The following PRDM15 variants were observed in gnomAD, a reference collection of about 807,000 sequenced individuals.
PRDM15 encodes PR domain zinc finger protein 15.
In PRDM15, 64 loss-of-function variants were observed where a neutral mutation model predicts 128.6. The observed-to-expected ratio is 0.50, with a 90% CI of 0.41 to 0.61. PRDM15 has a LOEUF of 0.61. PRDM15 is among the 20% of genes least tolerant of loss of function. The pLI is 0.00. For missense variants in PRDM15, 1,242 were observed against 1,569.1 expected (o/e 0.79, Z 3.52); for synonymous variants, 615 against 621.8 (o/e 0.99, Z 0.16).
intron 5 of PRDM15, among the ~76,000 whole-genome samples, chr21:41,851,246 T>C (rs2063419371): frequency 6.6e-6 from 1 of 152,206 alleles, no homozygotes; most frequent in African/African-American, 2.4e-5. Flanking sequence ...CTCCAGTCCT[T>C]CACGTATCCA....
chr21:41,845,713 C>T (rs796158889), intron 6 of PRDM15, among the ~76,000 whole-genome samples: 92 of 152,250 alleles, frequency 6.0e-4, no homozygotes, highest in African/African-American at 2.2e-3. Flanking sequence ...GTAAGGGGAG[C>T]CCGAGTACCA....
chr21:41,836,337 C>G, intron 9 of PRDM15, 130 bp from the exon 10 acceptor site: 1 of 1,292,994 alleles, frequency 7.7e-7, no homozygotes, highest in South Asian at 1.4e-5. Context: ...GATGATCGCC[C>G]ACAAATGCAG....
intron 13 of PRDM15, among the ~76,000 whole-genome samples, chr21:41,825,018 C>T (rs975116358): frequency 6.6e-6 from 1 of 152,096 alleles, no homozygotes; most frequent in African/African-American, 2.4e-5. Context: ...GGCTGGGGCA[C>T]CCTCCCCTCG....
chr21:41,800,025 A>T lies in PRDM15; in HGVS notation c.*1215T>A, dbSNP rs375938077. 6.6e-6 allele frequency: 1 copy of T among 152,244 alleles called. No individual in the cohort carries two copies. The highest frequency in any genetic ancestry group is 1.9e-4 in the East Asian group (1 of 5,202). 9.4% of individuals were successfully genotyped at this position (152,244 alleles called of 1,614,324 possible). A position where few individuals can be genotyped will look rare whatever the true frequency, so the allele number is the denominator to read the frequency against. On this transcript the variant is annotated 3_prime_UTR_variant, in exon 24 of 24. Transcript: ENST00000398548. ...TCACCGCACATTCAGTTTTAGGGGC[A>T]ATTAATGCTTCTATTAGTGAACTAA...
chr21:41,874,170 A>G (rs2064316876), intron 1 of PRDM15, among the ~76,000 whole-genome samples: 1 of 151,276 alleles, frequency 6.6e-6, no homozygotes, highest in African/African-American at 2.4e-5. Context: ...TAAAAAAAAA[A>G]GGGCGGGAGG....
intron 1 of PRDM15, among the ~76,000 whole-genome samples, chr21:41,875,556 C>G (rs761744662): frequency 1.3e-5 from 2 of 152,250 alleles, no homozygotes; most frequent in Non-Finnish European, 2.9e-5. Context: ...GTAAATATAT[C>G]TATTAGAATC....
intron 23 of PRDM15, among the ~76,000 whole-genome samples, chr21:41,802,462 G>T (rs917743355): frequency 6.6e-6 from 1 of 152,178 alleles, no homozygotes; most frequent in Non-Finnish European, 1.5e-5. Flanking sequence ...CCCGGGCAGG[G>T]ATATCTCTCT....
chr21:41,846,478 C>T (rs1266961744), intron 6 of PRDM15, among the ~76,000 whole-genome samples: 1 of 152,224 alleles, frequency 6.6e-6, no homozygotes, highest in Non-Finnish European at 1.5e-5. Context: ...CCGAGGCAGA[C>T]GGACCGCTTG....
chr21:41,848,163 C>T (rs2063325461), intron 5 of PRDM15, among the ~76,000 whole-genome samples: 1 of 152,208 alleles, frequency 6.6e-6, no homozygotes, highest in Admixed American at 6.5e-5. Flanking sequence ...AGACAAACTC[C>T]TGGGTCTTTA....
At chr21:41,857,102 T>C (rs1324151440) in intron 4 of PRDM15, 74 bp downstream of exon 4, 7 of 1,389,900 alleles carry the variant, frequency 5.0e-6, no homozygotes, top group Non-Finnish European at 7.0e-6. Flanking sequence ...TCAGTGGTCC[T>C]TGCTCCCCAT....
rs1246350136 is a variant in PRDM15 at position 41,825,514 on chromosome 21, CGGCCATGCT to C, written c.1629+437_1629+445del. On this transcript the variant is annotated intron_variant, in intron 13 of 23. Coordinates refer to ENST00000398548, the MANE Select transcript of PRDM15 (RefSeq NM_001040424.3). ...TGCCTGGGAGCACCTGCCATGGGAT[CGGCCATGCT>C]CTAACTTACAGAACGCCAGCCATCC... is the stretch of plus-strand genomic sequence containing the variant. Among the ~76,000 whole-genome samples, 3 of 152,220 alleles carry C rather than the reference CGGCCATGCT, an allele frequency of 2.0e-5. No homozygotes were observed. The East Asian group carries it at 5.8e-4, about 29-fold the overall frequency.
intron 12 of PRDM15, among the ~76,000 whole-genome samples, chr21:41,827,832 G>C (rs550119988): frequency 4.9e-4 from 75 of 152,098 alleles, no homozygotes; most frequent in Non-Finnish European, 8.7e-4. Flanking sequence ...ACAATATCTA[G>C]TATCTTTGAA....
intron 11 of PRDM15, among the ~76,000 whole-genome samples, chr21:41,834,088 C>T (rs1051156529): frequency 1.2e-4 from 19 of 152,148 alleles, no homozygotes; most frequent in African/African-American, 4.1e-4. Flanking sequence ...GCAGGAGGTG[C>T]GGCACACTGG....
intron 7 of PRDM15, 151 bp from the exon 8 acceptor site, chr21:41,838,214 G>T: frequency 1.3e-6 from 1 of 771,126 alleles, no homozygotes; most frequent in Non-Finnish European, 2.0e-6. Flanking sequence ...AAAAAAAACT[G>T]TCAATATTTT....
Position 41,799,470 on chromosome 21 carries a change from T to C in PRDM15, c.*1770A>G, listed in dbSNP as rs1410331861. 2.0e-5 allele frequency: 3 copies of C among 152,216 alleles called. No homozygotes were observed. The highest frequency in any genetic ancestry group is 7.2e-5 in the African/African-American group (3 of 41,456). The allele number at this position is 152,216 out of a possible 1,614,324, so 9.4% of individuals were successfully genotyped here. On this transcript the variant is annotated 3_prime_UTR_variant, in exon 24 of 24. Coordinates refer to ENST00000398548, the MANE Select transcript of PRDM15 (RefSeq NM_001040424.3). ...TTAAAAGTCAAATGATCTCCCACTA[T>C]TCATTCAACTGAGAGGTGAGAGCTA... is the stretch of plus-strand genomic sequence containing the variant.
chr21:41,809,398 A>G (rs941414385), intron 21 of PRDM15, among the ~76,000 whole-genome samples: 2 of 151,862 alleles, frequency 1.3e-5, no homozygotes, highest in African/African-American at 2.4e-5. Flanking sequence ...ATGCCCAGCT[A>G]ATTTTTATAT....
At chr21:41,824,480 G>A (rs1463305955) in intron 13 of PRDM15, among the ~76,000 whole-genome samples, 1 of 152,174 alleles carries the variant, frequency 6.6e-6, no homozygotes, top group African/African-American at 2.4e-5. Context: ...AACCCTCAGT[G>A]TTTATTCAAT....
intron 7 of PRDM15, 65 bp from the exon 8 acceptor site, chr21:41,838,128 T>C (rs2062956698): frequency 1.3e-6 from 2 of 1,570,798 alleles, no homozygotes. Context: ...AGTCAAACCA[T>C]GGTGACACAC....
At chr21:41,820,045 C>A in intron 17 of PRDM15, 50 bp downstream of exon 17, 1 of 1,509,266 alleles carries the variant, frequency 6.6e-7, no homozygotes, top group Non-Finnish European at 9.2e-7. Context: ...TCCCTCCCTG[C>A]CAGCCCCCTC....
Sources: allele counts gnomAD v4.1 joint callset (sites outside exome capture counted in the v4.1 genomes callset), GRCh38; gene constraint gnomAD v4.1.1; transcripts MANE v1.5; gene names NCBI Gene and HGNC (gene_info 2026-07-23, HGNC 2026-07-21).